PHYHIPL: variants seen among roughly 807,000 people sequenced by gnomAD.
PHYHIPL encodes the protein phytanoyl-CoA hydroxylase-interacting protein-like.
PHYHIPL carries 9 observed loss-of-function variants against 33.4 expected under a neutral mutation model. That is an observed-to-expected ratio of 0.27 (90% CI 0.16 to 0.47). The LOEUF (loss-of-function observed/expected upper bound fraction) is 0.47, where lower values mean the gene tolerates loss of function less well. Among genes scored for constraint, PHYHIPL ranks in the 20% least tolerant of loss-of-function variants. The probability of loss-of-function intolerance (pLI) is 0.99; values close to 1 mark genes in which losing one functional copy is unlikely to be tolerated. For missense variants in PHYHIPL, 365 were observed against 460.7 expected, an observed-to-expected ratio of 0.79 and a Z score of 1.90; for synonymous variants, 153 against 154.1, an observed-to-expected ratio of 0.99 and a Z score of 0.05.
intron 1 of PHYHIPL, among the ~76,000 whole-genome samples, chr10:59,217,033 T>C (rs1239620117): frequency 6.6e-6 from 1 of 152,108 alleles, no homozygotes; most frequent in Non-Finnish European, 1.5e-5. Flanking sequence ...TGGAGTGAGA[T>C]ACTAATCCCC....
chr10:59,189,638 G>T (rs1311828259), intron 1 of PHYHIPL, among the ~76,000 whole-genome samples: 1 of 151,862 alleles, frequency 6.6e-6, no homozygotes, highest in Non-Finnish European at 1.5e-5. Flanking sequence ...TGGATTCTGG[G>T]TTCAAAGGAT....
chr10:59,237,950 T>C (rs1397620124), intron 3 of PHYHIPL, among the ~76,000 whole-genome samples: 4 of 151,968 alleles, frequency 2.6e-5, no homozygotes, highest in Non-Finnish European at 4.4e-5. Context: ...ATTGAGCCAA[T>C]GAAGCAGTGA....
intron 1 of PHYHIPL, among the ~76,000 whole-genome samples, chr10:59,183,890 T>C (rs961261298): frequency 6.6e-6 from 1 of 152,176 alleles, no homozygotes; most frequent in Non-Finnish European, 1.5e-5. Context: ...AATAATAGTA[T>C]GAAAAGCTTA....
In PHYHIPL at chr10:59,245,248, A is replaced by G; in HGVS notation, c.788A>G (p.Asn263Ser). The G allele has an allele frequency of 6.2e-7, 1 of 1,614,074 alleles. No individual in the cohort carries two copies. Among genetic ancestry groups the G allele is most frequent in the Non-Finnish European group, 8.5e-7 (1 of 1,179,982 alleles). Residue 263 changes from asparagine (N) to serine (S), a missense_variant, in exon 5 of 5, where the codon AAT (asparagine) becomes AGT (serine). By Grantham distance (46) the Asn-to-Ser change is conservative. This residue lies in a region of PHYHIPL where 196 missense variants were observed against 224.9 expected (regional missense o/e 0.87). Coordinates refer to ENST00000373880, the MANE Select transcript of PHYHIPL (RefSeq NM_032439.4). Reference sequence around the variant, plus strand: ...GCCGCAGAAAAACTTTTTAACCCCAATACTAACTTATACTTTGGGGACTTC... The same window carrying G: ...GCCGCAGAAAAACTTTTTAACCCCAGTACTAACTTATACTTTGGGGACTTC... ...EIAAEKLFNPNTNLYFGDFYC... is the reference protein window; with the variant it reads ...EIAAEKLFNPSTNLYFGDFYC...
At chr10:59,239,737 G>C (rs929647517) in intron 4 of PHYHIPL, among the ~76,000 whole-genome samples, 1 of 151,954 alleles carries the variant, frequency 6.6e-6, no homozygotes, top group African/African-American at 2.4e-5. Flanking sequence ...TAAATAGCCA[G>C]ATGTCTGTTT....
chr10:59,229,243 ATAGT>A (rs150911612), intron 1 of PHYHIPL, among the ~76,000 whole-genome samples: 2,890 of 152,244 alleles, frequency 0.019, 109 homozygotes, highest in African/African-American at 0.066. Flanking sequence ...AAGAACTTTG[ATAGT>A]TAGTTTGTCT....
chr10:59,175,817 C>T (rs1281970925), upstream of PHYHIPL, among the ~76,000 whole-genome samples: 3 of 152,214 alleles, frequency 2.0e-5, no homozygotes, highest in Admixed American at 6.5e-5. Context: ...CCTTCATTGA[C>T]GCCCAGAACA....
At chr10:59,221,664 G>A (rs1193083949) in intron 1 of PHYHIPL, 5 of 984,430 alleles carry the variant, frequency 5.1e-6, no homozygotes, top group South Asian at 4.7e-5. Flanking sequence ...TTTCTTCTAT[G>A]AACTGTGGAA....
chr10:59,175,933 C>T (rs116910099), upstream of PHYHIPL, among the ~76,000 whole-genome samples: 102 of 152,332 alleles, frequency 6.7e-4, 1 homozygote, highest in East Asian at 0.017. Flanking sequence ...CTGCTGGCCC[C>T]GCAGCATGTC....
At chr10:59,234,844 C>G (rs990290973) in intron 2 of PHYHIPL, among the ~76,000 whole-genome samples, 2 of 151,880 alleles carry the variant, frequency 1.3e-5, no homozygotes, top group South Asian at 2.1e-4. Flanking sequence ...AGAAAAGACT[C>G]ATTTGTAGAT....
chr10:59,214,581 G>A (rs190619217), intron 1 of PHYHIPL, among the ~76,000 whole-genome samples: 1 of 152,164 alleles, frequency 6.6e-6, no homozygotes, highest in African/African-American at 2.4e-5. Context: ...CAAATAAGTA[G>A]TATCCTAATT....
intron 1 of PHYHIPL, among the ~76,000 whole-genome samples, chr10:59,195,718 T>C (rs1325006025): frequency 1.3e-5 from 2 of 152,186 alleles, no homozygotes; most frequent in Admixed American, 1.3e-4. Context: ...AACCCATTGC[T>C]TACTAACATT....
At chr10:59,231,764 A>G (rs1364834359) in intron 1 of PHYHIPL, among the ~76,000 whole-genome samples, 3 of 152,148 alleles carry the variant, frequency 2.0e-5, no homozygotes, top group Non-Finnish European at 4.4e-5. Flanking sequence ...TTAATCCCTG[A>G]TAGTAGAGAA....
At chr10:59,185,715 G>A in intron 1 of PHYHIPL, among the ~76,000 whole-genome samples, 1 of 152,204 alleles carries the variant, frequency 6.6e-6, no homozygotes, top group Non-Finnish European at 1.5e-5. Flanking sequence ...CTGATGGCCA[G>A]TAATGATGAG....
chr10:59,241,531 T>G (rs917403927), intron 4 of PHYHIPL, among the ~76,000 whole-genome samples: 2 of 152,186 alleles, frequency 1.3e-5, no homozygotes, highest in African/African-American at 4.8e-5. Flanking sequence ...TCACTGAGAT[T>G]GGTAGACATG....
chr10:59,183,992 T>C (rs982222726), intron 1 of PHYHIPL, among the ~76,000 whole-genome samples: 1 of 152,224 alleles, frequency 6.6e-6, no homozygotes, highest in African/African-American at 2.4e-5. Context: ...TCATCTTCCA[T>C]GAATTTGAAT....
rs1838671530 is a variant in PHYHIPL, at chr10:59,188,176, C to T, written c.106+11217C>T. 3.3e-5 allele frequency among the ~76,000 whole-genome samples: 5 copies of T among 152,146 alleles called. 1 individual carries two copies. The highest frequency in any genetic ancestry group is 5.9e-5 in the Non-Finnish European group (4 of 68,034). ...TTCTGGTATGTTGTGTCTTTGTTCT[C>T]ATTGGTTTCAAAGAACATCTTTATT... On this transcript the variant is annotated intron_variant, in intron 1 of 4. Coordinates refer to ENST00000373880, the MANE Select transcript of PHYHIPL (RefSeq NM_032439.4).
At chr10:59,239,248 A>G (rs1840319206) in intron 4 of PHYHIPL, among the ~76,000 whole-genome samples, 1 of 152,072 alleles carries the variant, frequency 6.6e-6, no homozygotes, top group Admixed American at 6.6e-5. Context: ...TTACAGTTCC[A>G]CATGGCTGGA....
rs57121387 is a variant in PHYHIPL at position 59,224,456 on chromosome 10, G to GAAACAAAACAAAACAAAACAAAACA, written c.107-9829_107-9805dup. ...GGCAAGAGTGAGACCCTGTCTCAAG[G>GAAACAAAACAAAACAAAACAAAACA]AAACAAAACAAAACAAAACAAAACA... On this transcript the variant is annotated intron_variant, in intron 1 of 4. Transcript: ENST00000373880. 1.5e-4 allele frequency among the ~76,000 whole-genome samples: 21 copies of GAAACAAAACAAAACAAAACAAAACA among 139,806 alleles called. 1 individual carries two copies. The highest frequency in any genetic ancestry group is 2.3e-4 in the Non-Finnish European group (15 of 65,268). 91.7% of individuals were successfully genotyped at this position (139,806 alleles called of 152,430 possible). A position where few individuals can be genotyped will look rare whatever the true frequency, so the allele number is the denominator to read the frequency against.
Sources: allele counts gnomAD v4.1 joint callset (sites outside exome capture counted in the v4.1 genomes callset), GRCh38; gene constraint gnomAD v4.1.1; regional missense constraint gnomAD v4.1.1; transcripts MANE v1.5; gene names NCBI Gene and HGNC (gene_info 2026-07-23, HGNC 2026-07-21).